The following MYO7A variants were observed in gnomAD, a reference collection of about 807,000 sequenced individuals.
MYO7A encodes myosin VIIA, also known as unconventional myosin-VIIa.
In MYO7A, 210 loss-of-function variants were observed where a neutral mutation model predicts 263.8. That is an observed-to-expected ratio of 0.80 (90% CI 0.71 to 0.89). MYO7A has a LOEUF of 0.89. Ranked by LOEUF, MYO7A falls within the 40% of genes least tolerant of loss-of-function variation. The pLI is 0.00. For missense variants in MYO7A, 2,820 were observed against 2,968.3 expected (o/e 0.95, Z 1.16); for synonymous variants, 1,239 against 1,197.3 (o/e 1.03, Z -0.72).
intron 46 of MYO7A, 98 bp downstream of exon 46, chr11:77,212,035 T>G (rs1434596878): frequency 2.0e-6 from 2 of 1,011,864 alleles, no homozygotes; most frequent in South Asian, 1.4e-5. Flanking sequence ...GCCATGGCCT[T>G]GGACACCTGC....
intron 9 of MYO7A, 39 bp from the exon 10 acceptor site, chr11:77,159,407 AC>A: frequency 4.7e-6 from 2 of 426,918 alleles, no homozygotes; most frequent in Non-Finnish European, 8.8e-6. Context: ...CCTGTTGCCC[AC>A]CCTCCCTCCC....
intron 2 of MYO7A, among the ~76,000 whole-genome samples, chr11:77,132,050 A>C (rs1950780805): frequency 6.6e-6 from 1 of 152,024 alleles, no homozygotes; most frequent in Non-Finnish European, 1.5e-5. Flanking sequence ...GAGCTCCATG[A>C]AAATGCTTCT....
intron 2 of MYO7A, among the ~76,000 whole-genome samples, chr11:77,133,190 C>T (rs782542676): frequency 6.6e-6 from 1 of 152,172 alleles, no homozygotes; most frequent in Non-Finnish European, 1.5e-5. Flanking sequence ...CATGAGACAG[C>T]TGCAGCAGCC....
intron 2 of MYO7A, among the ~76,000 whole-genome samples, chr11:77,133,931 A>G (rs1282140170): frequency 2.0e-5 from 3 of 152,194 alleles, no homozygotes; most frequent in Non-Finnish European, 4.4e-5. Flanking sequence ...AGGTTTACAA[A>G]TAACATCTTT....
In MYO7A at chr11:77,213,040, G is replaced by GC; in HGVS notation, c.6438+6dup. 6.4e-7 allele frequency: 1 copy of GC among 1,567,102 alleles called. No individual in the cohort carries two copies. The highest frequency in any genetic ancestry group is 8.7e-7 in the Non-Finnish European group (1 of 1,155,072). ...CTCATCGATCCCAAAACGAAGGTGA[G>GC]CAGGGATAAGGCAGCAAGTGGGGGC... On this transcript the variant is annotated splice_donor_region_variant and intron_variant, in intron 47 of 48. Coordinates refer to ENST00000409709, the MANE Select transcript of MYO7A (RefSeq NM_000260.4).
chr11:77,132,544 T>C (rs565854419), intron 2 of MYO7A, among the ~76,000 whole-genome samples: 4 of 152,170 alleles, frequency 2.6e-5, no homozygotes, highest in African/African-American at 9.7e-5. Flanking sequence ...GCTGAAGTGC[T>C]ATGGCATGAT....
chr11:77,213,179 C>G, intron 47 of MYO7A, 144 bp downstream of exon 47: 1 of 687,420 alleles, frequency 1.5e-6, no homozygotes, highest in Non-Finnish European at 2.5e-6. Flanking sequence ...AAGCTGTCAG[C>G]GTTTGCTAGG....
intron 4 of MYO7A, among the ~76,000 whole-genome samples, chr11:77,153,706 C>T (rs745399645): frequency 2.0e-5 from 3 of 152,130 alleles, no homozygotes; most frequent in African/African-American, 4.8e-5. Flanking sequence ...CCACAGCTGC[C>T]GGGGTGACCT....
At chr11:77,204,309 C>T (rs1957290106) in intron 39 of MYO7A, 80 bp downstream of exon 39, 1 of 1,507,344 alleles carries the variant, frequency 6.6e-7, no homozygotes, top group Non-Finnish European at 9.0e-7. Flanking sequence ...GAGGCAGCTG[C>T]TGGCTCTGCC....
chr11:77,202,131 G>A (rs1028941574), intron 36 of MYO7A, among the ~76,000 whole-genome samples, 169 bp from the exon 37 acceptor site: 1 of 152,114 alleles, frequency 6.6e-6, no homozygotes, highest in African/African-American at 2.4e-5. Flanking sequence ...GAGGCAGCAG[G>A]GACCTCAGAG....
At position 77,198,606 on chromosome 11, in the gene MYO7A, C is replaced by T. The variant is rs754491384; in HGVS notation, c.4553C>T (p.Ala1518Val). The T allele has an allele frequency of 1.2e-6, 2 of 1,613,814 alleles. No individual in the cohort carries two copies. Among genetic ancestry groups the T allele is most frequent in the South Asian group, 2.2e-5 (2 of 91,054 alleles). The stretch of plus-strand genomic sequence containing the variant: ...GAGCTGTCCTTCCCAGAGATCATGG[C>T]CGTGTCCAGCAGCAGGTGAGGAGGC... Reference protein sequence around the residue: ...LLELSFPEIMAVSSSRECRVW... With the variant: ...LLELSFPEIMVVSSSRECRVW... Residue 1518 changes from alanine to valine, a missense_variant, in exon 34 of 49, where the codon GCC becomes GTC. Ala to Val is a moderately conservative substitution (Grantham distance 64). Coordinates refer to ENST00000409709, the MANE Select transcript of MYO7A (RefSeq NM_000260.4).
At chr11:77,196,145 G>C (rs1956645149) in intron 32 of MYO7A, among the ~76,000 whole-genome samples, 1 of 152,244 alleles carries the variant, frequency 6.6e-6, no homozygotes, top group Non-Finnish European at 1.5e-5. Flanking sequence ...AAGGCGGGCG[G>C]ATCATGAGGT....
Position 77,190,050 on chromosome 11 carries a change from C to A in MYO7A, c.3661C>A (p.Pro1221Thr). 6.4e-7 allele frequency: 1 copy of A among 1,566,686 alleles called. No homozygotes were observed. The highest frequency in any genetic ancestry group is 1.9e-5 in the Admixed American group (1 of 53,104). The change falls in exon 29 of 49, where the codon CCC becomes ACC. Residue 1221 changes from proline (P) to threonine (T), a missense_variant. Physicochemically the swap from Pro to Thr is conservative, Grantham distance 38. Transcript: ENST00000409709. ...GCGGAACTTCATCCACGGGGGCCCG[C>A]CCGGCTACGCCCCGTACTGTGAGGA... ...YLRNFIHGGP[P>T]GYAPYCEERL...
chr11:77,208,405 T>TTGA, intron 42 of MYO7A, 25 bp from the exon 43 acceptor site: 2 of 1,563,442 alleles, frequency 1.3e-6, no homozygotes, highest in Non-Finnish European at 1.8e-6. Flanking sequence ...TTAAACTGAG[T>TTGA]GTGCTTCGAT....
chr11:77,149,070 A>G (rs1277234571), intron 4 of MYO7A, among the ~76,000 whole-genome samples: 1 of 152,224 alleles, frequency 6.6e-6, no homozygotes, highest in Admixed American at 6.5e-5. Flanking sequence ...GCTCTAGCCC[A>G]ATAGCCCAGT....
chr11:77,158,307 G>T lies in MYO7A; in HGVS notation c.880G>T (p.Asp294Tyr), dbSNP rs1952684239. The T allele has an allele frequency of 1.9e-6, 3 of 1,610,236 alleles. No homozygotes were observed. The highest frequency in any genetic ancestry group is 2.5e-6 in the Non-Finnish European group (3 of 1,177,510). ...CTGCATAACCTGTGAGGGCCGGGTG[G>T]ACAGCCAGGAGTACGCCAACATCCG... The part of the protein sequence containing the change: ...GNCITCEGRV[D>Y]SQEYANIRSA... The change falls in exon 9 of 49, where the codon GAC becomes TAC. Residue 294 changes from aspartate (D) to tyrosine (Y), a missense_variant. Transcript: ENST00000409709.
intron 36 of MYO7A, 102 bp downstream of exon 36, chr11:77,201,740 G>C: frequency 7.9e-7 from 1 of 1,269,758 alleles, no homozygotes; most frequent in Non-Finnish European, 1.1e-6. Flanking sequence ...GTGCATCTGT[G>C]AAGATGATCT....
At chr11:77,170,846 G>T (rs1342430467) in intron 15 of MYO7A, among the ~76,000 whole-genome samples, 1 of 152,178 alleles carries the variant, frequency 6.6e-6, no homozygotes, top group Non-Finnish European at 1.5e-5. Flanking sequence ...TCAGGTTCTG[G>T]AGATATTTTG....
intron 3 of MYO7A, 116 bp from the exon 4 acceptor site, chr11:77,147,682 T>A: frequency 1.5e-6 from 2 of 1,358,554 alleles, no homozygotes; most frequent in Non-Finnish European, 2.0e-6. Context: ...GCCAGAGAGG[T>A]CGAGGCCCTT....
Sources: allele counts gnomAD v4.1 joint callset (sites outside exome capture counted in the v4.1 genomes callset), GRCh38; gene constraint gnomAD v4.1.1; transcripts MANE v1.5; gene names NCBI Gene and HGNC (gene_info 2026-07-23, HGNC 2026-07-21).